GRIK2: variants seen among roughly 807,000 people sequenced by gnomAD.
GRIK2 encodes the protein glutamate receptor ionotropic, kainate 2.
In GRIK2, 32 loss-of-function variants were observed where a neutral mutation model predicts 100.3. That is an observed-to-expected ratio of 0.32 (90% CI 0.24 to 0.43). The LOEUF is 0.43. GRIK2 is among the 20% of genes least tolerant of loss of function. The pLI, the probability that GRIK2 is intolerant of heterozygous loss-of-function variation, is 1.00. For missense variants in GRIK2, 843 were observed against 1,114.9 expected (o/e 0.76, Z 3.47); for synonymous variants, 417 against 389.4 (o/e 1.07, Z -0.83).
chr6:101,518,793 C>T (rs559806455), intron 2 of GRIK2, among the ~76,000 whole-genome samples: 3 of 152,174 alleles, frequency 2.0e-5, no homozygotes, highest in South Asian at 2.1e-4. Flanking sequence ...CTTATTTGGT[C>T]GATGTCCTGA....
chr6:101,737,982 C>T (rs1775762867), intron 7 of GRIK2, among the ~76,000 whole-genome samples: 1 of 152,108 alleles, frequency 6.6e-6, no homozygotes, highest in South Asian at 2.1e-4. Context: ...TTATTGACTA[C>T]TTACAAATAT....
At chr6:101,752,794 A>G (rs1292947693) in intron 7 of GRIK2, among the ~76,000 whole-genome samples, 1 of 152,202 alleles carries the variant, frequency 6.6e-6, no homozygotes, top group Non-Finnish European at 1.5e-5. Context: ...TGCATATGTA[A>G]GAGTACACAG....
At chr6:101,873,062 GTAGT>G (rs1336735860) in intron 11 of GRIK2, among the ~76,000 whole-genome samples, 3 of 151,712 alleles carry the variant, frequency 2.0e-5, no homozygotes, top group Admixed American at 6.6e-5. Context: ...AAGTATTGAG[GTAGT>G]TAAACACAAG....
chr6:101,450,149 A>G (rs1022584319), intron 2 of GRIK2, among the ~76,000 whole-genome samples: 2 of 151,868 alleles, frequency 1.3e-5, no homozygotes, highest in South Asian at 2.1e-4. Context: ...TTAGACTTCT[A>G]TCATAGATAG....
rs191931643 is a variant in GRIK2, at chr6:101,755,258, C to T, written c.952-44390C>T. 1.3e-4 allele frequency among the ~76,000 whole-genome samples: 19 copies of T among 149,992 alleles called. No homozygotes were observed. In the East Asian group the frequency reaches 2.0e-3, roughly 16 times the overall value. On this transcript the variant is annotated intron_variant, in intron 7 of 16. Coordinates refer to ENST00000369134, the MANE Select transcript of GRIK2 (RefSeq NM_021956.5). ...CTCGACTCACTGCAAGCTCCGCTTC[C>T]CGGGTTCACGCCATTCTCCTGCATC...
At chr6:101,438,076 C>G (rs117911375) in intron 2 of GRIK2, among the ~76,000 whole-genome samples, 1,529 of 152,170 alleles carry the variant, frequency 0.01, 9 homozygotes, top group Admixed American at 0.018. Flanking sequence ...CTTTCTATAT[C>G]TACATATTGT....
chr6:101,504,936 T>C (rs1200342430), intron 2 of GRIK2, among the ~76,000 whole-genome samples: 1 of 152,120 alleles, frequency 6.6e-6, no homozygotes, highest in East Asian at 1.9e-4. Flanking sequence ...AAGTCAGATA[T>C]AAAACTTGTT....
intron 10 of GRIK2, among the ~76,000 whole-genome samples, chr6:101,824,652 G>A (rs1782198582): frequency 3.3e-5 from 5 of 152,134 alleles, no homozygotes; most frequent in Non-Finnish European, 7.4e-5. Context: ...AAATGACTAT[G>A]CATTTGGTTA....
At chr6:102,034,434 A>C (rs2114422153) in intron 14 of GRIK2, among the ~76,000 whole-genome samples, 1 of 151,578 alleles carries the variant, frequency 6.6e-6, no homozygotes, top group South Asian at 2.1e-4. Flanking sequence ...AGTATGATGA[A>C]TATCCTTCCT....
At chr6:101,465,829 C>T (rs2518166) in intron 2 of GRIK2, among the ~76,000 whole-genome samples, 40,051 of 152,082 alleles carry the variant, frequency 0.26, 5,910 homozygotes, top group East Asian at 0.36. Flanking sequence ...AGGTCAAGTA[C>T]TTAGCAGCAT....
In GRIK2 at chr6:101,802,385, A is replaced by G; in HGVS notation, c.1150A>G (p.Arg384Gly). 1 of 1,593,692 alleles carries G rather than the reference A, an allele frequency of 6.3e-7. No individual in the cohort carries two copies. The change falls in exon 9 of 17, where the codon AGA (arginine) becomes GGA (glycine). Residue 384 changes from arginine to glycine, a missense_variant. This residue lies in a region of GRIK2 where 519 missense variants were observed against 643.8 expected (regional missense o/e 0.81). Coordinates refer to ENST00000369134, the MANE Select transcript of GRIK2 (RefSeq NM_021956.5). ...AACTTTCAACAAAACCAATGGCTTG[A>G]GAACAGATTTTGATTTGGATGTGAT... ...RITFNKTNGL[R>G]TDFDLDVISL...
intron 7 of GRIK2, among the ~76,000 whole-genome samples, chr6:101,772,504 A>G (rs1275126779): frequency 6.6e-6 from 1 of 152,092 alleles, no homozygotes; most frequent in Non-Finnish European, 1.5e-5. Flanking sequence ...TTTCACATGG[A>G]TCAGTTCTAA....
At chr6:101,914,197 A>G (rs1182420164) in intron 12 of GRIK2, among the ~76,000 whole-genome samples, 1 of 151,476 alleles carries the variant, frequency 6.6e-6, no homozygotes, top group African/African-American at 2.4e-5. Context: ...AGATGTGGAT[A>G]TTTAAGAAAA....
intron 7 of GRIK2, among the ~76,000 whole-genome samples, chr6:101,792,515 T>G (rs945613541): frequency 1.5e-3 from 221 of 152,054 alleles, no homozygotes; most frequent in African/African-American, 5.2e-3. Flanking sequence ...TTCTTTTCTT[T>G]AAGAATGTTG....
chr6:101,760,608 T>TTA (rs1296697104), intron 7 of GRIK2, among the ~76,000 whole-genome samples: 40 of 95,604 alleles, frequency 4.2e-4, no homozygotes, highest in Admixed American at 6.3e-4. Context: ...TTATATATAA[T>TTA]TATATTTAAT....
At chr6:101,652,310 A>T (rs766056489) in intron 4 of GRIK2, among the ~76,000 whole-genome samples, 5 of 152,142 alleles carry the variant, frequency 3.3e-5, no homozygotes, top group African/African-American at 4.8e-5. Flanking sequence ...AAGAGGCCAG[A>T]GAGCTAGCTC....
At chr6:101,454,186 C>T (rs1210933484) in intron 2 of GRIK2, among the ~76,000 whole-genome samples, 3 of 152,028 alleles carry the variant, frequency 2.0e-5, no homozygotes, top group Non-Finnish European at 2.9e-5. Context: ...CATCAACTGA[C>T]CATTTGGAGC....
At chr6:101,621,896 A>G in intron 2 of GRIK2, 53 bp from the exon 3 acceptor site, 1 of 1,261,860 alleles carries the variant, frequency 7.9e-7, no homozygotes. Context: ...TTATCTTGTG[A>G]AAATTATGTT....
rs76345479 is a variant in GRIK2, at chr6:101,955,526, G to C, written c.2085+26894G>C. On this transcript the variant is annotated intron_variant, in intron 14 of 16. Coordinates refer to ENST00000369134, the MANE Select transcript of GRIK2 (RefSeq NM_021956.5). ...ACAAAAAAAAGCAGACAGGCATGGTGGAATGCTCCCACACACCCAGAGTCC... is the reference window on the plus strand; with the variant it reads ...ACAAAAAAAAGCAGACAGGCATGGTCGAATGCTCCCACACACCCAGAGTCC... Among the ~76,000 whole-genome samples, 660 of 150,060 alleles carry C rather than the reference G, an allele frequency of 4.4e-3. 11 individuals are homozygous for C. The highest frequency in any genetic ancestry group is 0.03 in the Admixed American group (452 of 15,020).
Sources: allele counts gnomAD v4.1 joint callset (sites outside exome capture counted in the v4.1 genomes callset), GRCh38; gene constraint gnomAD v4.1.1; regional missense constraint gnomAD v4.1.1; transcripts MANE v1.5; gene names NCBI Gene and HGNC (gene_info 2026-07-23, HGNC 2026-07-21).